The following SLC25A12 variants were observed in gnomAD, a reference collection of about 807,000 sequenced individuals.
The protein encoded by SLC25A12 is electrogenic aspartate/glutamate antiporter SLC25A12, mitochondrial.
Under a neutral mutation model 83.3 loss-of-function variants are expected in SLC25A12, and 32 were observed. The observed-to-expected ratio is 0.38, with a 90% CI of 0.29 to 0.52. SLC25A12 has a LOEUF of 0.52. Among genes scored for constraint, SLC25A12 ranks in the 20% least tolerant of loss-of-function variants. The pLI is 0.84. For synonymous variants in SLC25A12, 267 were observed against 291.1 expected, an observed-to-expected ratio of 0.92 and a Z score of 0.84; for missense variants, 611 against 835.6, an observed-to-expected ratio of 0.73 and a Z score of 3.31.
chr2:171,825,286 T>G (rs1378640471), intron 9 of SLC25A12, among the ~76,000 whole-genome samples: 2 of 152,232 alleles, frequency 1.3e-5, no homozygotes, highest in African/African-American at 4.8e-5. Flanking sequence ...TCAATTTACT[T>G]CAACCTGACT....
chr2:171,859,970 G>A (rs1222327702), intron 3 of SLC25A12, among the ~76,000 whole-genome samples: 2 of 152,040 alleles, frequency 1.3e-5, no homozygotes, highest in African/African-American at 4.8e-5. Context: ...GTTCCACCAT[G>A]TTAGCCATGG....
At chr2:171,839,142 C>T (rs1216149179) in intron 5 of SLC25A12, among the ~76,000 whole-genome samples, 2 of 152,112 alleles carry the variant, frequency 1.3e-5, no homozygotes. Context: ...GAATCTTAAA[C>T]ACTAATCAGG....
At chr2:171,821,837 T>A (rs1267759046) in intron 9 of SLC25A12, among the ~76,000 whole-genome samples, 1 of 152,236 alleles carries the variant, frequency 6.6e-6, no homozygotes, top group Non-Finnish European at 1.5e-5. Flanking sequence ...TTAAATCTAA[T>A]GAAGTTTAAC....
intron 6 of SLC25A12, among the ~76,000 whole-genome samples, chr2:171,835,230 T>G (rs74540230): frequency 9.8e-4 from 150 of 152,360 alleles, no homozygotes; most frequent in Middle Eastern, 3.4e-3. Flanking sequence ...ACAAAATCAC[T>G]GTACAATCTA....
intron 13 of SLC25A12, among the ~76,000 whole-genome samples, chr2:171,799,593 T>C (rs763163760): frequency 2.0e-5 from 3 of 152,178 alleles, no homozygotes; most frequent in African/African-American, 4.8e-5. Context: ...GTGGTGTGTG[T>C]AGACACATGC....
intron 13 of SLC25A12, among the ~76,000 whole-genome samples, chr2:171,798,527 A>G (rs1380665549): frequency 6.6e-6 from 1 of 152,230 alleles, no homozygotes; most frequent in Non-Finnish European, 1.5e-5. Flanking sequence ...TCTAACTTCA[A>G]TTTATTTAAG....
intron 11 of SLC25A12, among the ~76,000 whole-genome samples, chr2:171,812,799 C>CTTT (rs5836353): frequency 2.1e-5 from 3 of 143,168 alleles, no homozygotes; most frequent in Non-Finnish European, 4.5e-5. Context: ...AAGGGTTTTC[C>CTTT]TTTTTTTTTT....
chr2:171,817,623 A>AAAAAAAAAG (rs1684081952), intron 9 of SLC25A12, among the ~76,000 whole-genome samples: 8 of 149,828 alleles, frequency 5.3e-5, no homozygotes, highest in Non-Finnish European at 7.4e-5. Flanking sequence ...AAAAAAAAAA[A>AAAAAAAAAG]TGTATGTAGA....
chr2:171,816,297 C>A (rs1236580222), intron 9 of SLC25A12, among the ~76,000 whole-genome samples: 6 of 151,960 alleles, frequency 3.9e-5, no homozygotes, highest in African/African-American at 1.2e-4. Flanking sequence ...AACTCTTGAG[C>A]TCAAGCTATT....
chr2:171,891,207 G>A (rs948396441), intron 2 of SLC25A12, among the ~76,000 whole-genome samples: 2 of 151,892 alleles, frequency 1.3e-5, no homozygotes, highest in Non-Finnish European at 2.9e-5. Flanking sequence ...TCGGAGGCAA[G>A]AGAATTGCTT....
intron 3 of SLC25A12, among the ~76,000 whole-genome samples, chr2:171,863,095 G>T (rs554189838): frequency 8.9e-4 from 135 of 151,978 alleles, no homozygotes; most frequent in African/African-American, 3.0e-3. Flanking sequence ...TAGAGATGGG[G>T]TTTCACCATG....
chr2:171,795,953 GT>G (rs1683588460), intron 13 of SLC25A12, among the ~76,000 whole-genome samples: 1 of 152,106 alleles, frequency 6.6e-6, no homozygotes, highest in African/African-American at 2.4e-5. Flanking sequence ...TTTTGTTTGT[GT>G]TTGTTTGTTT....
chr2:171,840,585 T>C (rs1684651409), intron 5 of SLC25A12, among the ~76,000 whole-genome samples: 1 of 151,640 alleles, frequency 6.6e-6, no homozygotes, highest in Non-Finnish European at 1.5e-5. Context: ...AAAAGGAATA[T>C]TCAGAAAACC....
chr2:171,802,632 C>T (rs569444542), intron 13 of SLC25A12, among the ~76,000 whole-genome samples: 10 of 152,164 alleles, frequency 6.6e-5, no homozygotes, highest in South Asian at 2.1e-4. Context: ...AAAAATTAGC[C>T]AGGCCTGGTG....
At chr2:171,864,736 T>C (rs1685247190) in intron 3 of SLC25A12, among the ~76,000 whole-genome samples, 1 of 152,246 alleles carries the variant, frequency 6.6e-6, no homozygotes, top group African/African-American at 2.4e-5. Context: ...TTACCTCTTC[T>C]GTGATGCTGT....
At chr2:171,837,462 T>C (rs1329687037) in intron 5 of SLC25A12, among the ~76,000 whole-genome samples, 195 bp from the exon 6 acceptor site, 1 of 152,146 alleles carries the variant, frequency 6.6e-6, no homozygotes, top group Non-Finnish European at 1.5e-5. Flanking sequence ...GTACTACATA[T>C]TACTCCTCAG....
At chr2:171,867,706 CAGAGCTACCCTACA>C (rs1470416602) in intron 3 of SLC25A12, among the ~76,000 whole-genome samples, 1 of 152,208 alleles carries the variant, frequency 6.6e-6, no homozygotes, top group African/African-American at 2.4e-5. Context: ...CCGTAAGTCA[CAGAGCTACCCTACA>C]AGATGCTTTA....
Position 171,833,995 on chromosome 2 carries a change from T to A in SLC25A12, c.813A>T (p.Leu271=). ...CATTATATAAGTCTGCAAGCTGATA[T>A]AGAATATCAATTTCTAGTGGTGTGA... is the stretch of plus-strand genomic sequence containing the variant. ...GQVTPLEIDI[L]YQLADLYNAS... The change falls in exon 8 of 18, where the codon CTA becomes CTT. Residue 271 remains leucine, a synonymous_variant. Transcript: ENST00000422440. 1 of 1,606,348 alleles carries A rather than the reference T, an allele frequency of 6.2e-7. No homozygotes were observed. Among genetic ancestry groups the A allele is most frequent in the Non-Finnish European group, 8.5e-7 (1 of 1,173,062 alleles).
At chr2:171,869,119 A>G (rs149442214) in intron 2 of SLC25A12, among the ~76,000 whole-genome samples, 2,135 of 152,322 alleles carry the variant, frequency 0.014, 22 homozygotes, top group Non-Finnish European at 0.024. Context: ...CATGTCCACA[A>G]TAGGCAAGAC....
Sources: allele counts gnomAD v4.1 joint callset (sites outside exome capture counted in the v4.1 genomes callset), GRCh38; gene constraint gnomAD v4.1.1; transcripts MANE v1.5; gene names NCBI Gene and HGNC (gene_info 2026-07-23, HGNC 2026-07-21).